Variants in CSTPP1 observed in about 807,000 individuals in gnomAD.
CSTPP1 encodes the protein centriolar satellite-associated tubulin polyglutamylase complex regulator 1.
chr11:47,072,847 T>A, the CSTPP1 span, among the ~76,000 whole-genome samples: 7 of 152,352 alleles, frequency 4.6e-5, no homozygotes, highest in African/African-American at 1.7e-4. Flanking sequence ...ACTTTTAAAG[T>A]AAAATTAAAT....
chr11:47,026,505 A>C, the CSTPP1 span, among the ~76,000 whole-genome samples: 1 of 152,236 alleles, frequency 6.6e-6, no homozygotes, highest in Non-Finnish European at 1.5e-5. Context: ...ATAATAAGCC[A>C]AAACCCTAAT....
the CSTPP1 span, among the ~76,000 whole-genome samples, chr11:46,972,276 A>C: frequency 6.6e-6 from 1 of 152,196 alleles, no homozygotes; most frequent in African/African-American, 2.4e-5. Context: ...GGAGAGTAGA[A>C]TATCCTCCTC....
chr11:46,937,190 C>G, the CSTPP1 span, among the ~76,000 whole-genome samples: 205 of 152,290 alleles, frequency 1.3e-3, 2 homozygotes, highest in Middle Eastern at 0.01. Flanking sequence ...AGTGCCAAAT[C>G]AGTCAGCGAA....
At chr11:47,023,492 G>A in the CSTPP1 span, 1 of 152,182 alleles carries the variant, frequency 6.6e-6, no homozygotes, top group Non-Finnish European at 1.5e-5. Flanking sequence ...GTACAGTTCT[G>A]TGGCATTAAA....
the CSTPP1 span, among the ~76,000 whole-genome samples, chr11:47,058,283 G>A: frequency 7.2e-5 from 11 of 152,086 alleles, no homozygotes; most frequent in East Asian, 7.7e-4. Flanking sequence ...AGCTGTGATC[G>A]CACCACTGCA....
the CSTPP1 span, among the ~76,000 whole-genome samples, chr11:46,971,493 T>C: frequency 9.8e-5 from 15 of 152,338 alleles, no homozygotes; most frequent in East Asian, 2.1e-3. Context: ...TCTGGGAATA[T>C]ACCCTAAGGA....
chr11:47,071,762 CTG>C, the CSTPP1 span, among the ~76,000 whole-genome samples: 3 of 152,214 alleles, frequency 2.0e-5, no homozygotes, highest in Non-Finnish European at 4.4e-5. Context: ...ACTTTAAAAA[CTG>C]TATTAAAAAG....
the CSTPP1 span, among the ~76,000 whole-genome samples, chr11:46,968,395 AAAT>A: frequency 4.8e-5 from 7 of 146,994 alleles, no homozygotes; most frequent in Non-Finnish European, 1.0e-4. Context: ...TAATATATTT[AAAT>A]AATATATTTA....
chr11:47,131,963 T>A, the CSTPP1 span, among the ~76,000 whole-genome samples: 1,852 of 150,590 alleles, frequency 0.012, 40 homozygotes, highest in African/African-American at 0.043. Context: ...GGTGACAGAG[T>A]GAGACTCTGT....
the CSTPP1 span, among the ~76,000 whole-genome samples, chr11:47,076,602 A>T: frequency 6.9e-3 from 1,044 of 152,274 alleles, 12 homozygotes; most frequent in African/African-American, 0.024. Context: ...GCACTTTGGG[A>T]GGCCGAGGAG....
At chr11:47,145,392 C>T in the CSTPP1 span, among the ~76,000 whole-genome samples, 1 of 151,996 alleles carries the variant, frequency 6.6e-6, no homozygotes, top group Admixed American at 6.5e-5. Flanking sequence ...GAGTTCGAGA[C>T]CAGCCTGGCC....
chr11:47,118,808 C>T, the CSTPP1 span, among the ~76,000 whole-genome samples: 1 of 152,184 alleles, frequency 6.6e-6, no homozygotes, highest in Non-Finnish European at 1.5e-5. Context: ...AATATTGCTG[C>T]CTGATCCTTC....
the CSTPP1 span, among the ~76,000 whole-genome samples, chr11:47,133,108 G>A: frequency 2.6e-5 from 4 of 152,208 alleles, no homozygotes; most frequent in Non-Finnish European, 5.9e-5. Flanking sequence ...CAGTGGCAAA[G>A]CTAGGATTTG....
chr11:47,060,019 G>C, the CSTPP1 span, among the ~76,000 whole-genome samples: 1 of 151,560 alleles, frequency 6.6e-6, no homozygotes, highest in African/African-American at 2.4e-5. Flanking sequence ...CAGGAGAATT[G>C]CTTGAGTCTG....
the CSTPP1 span, among the ~76,000 whole-genome samples, chr11:46,954,648 T>C: frequency 6.6e-6 from 1 of 152,114 alleles, no homozygotes; most frequent in East Asian, 1.9e-4. Flanking sequence ...GTTCAAAGAA[T>C]TGCTGGATTT....
the CSTPP1 span, among the ~76,000 whole-genome samples, chr11:47,044,587 A>G: frequency 5.3e-5 from 8 of 152,182 alleles, no homozygotes; most frequent in Admixed American, 5.2e-4. Context: ...ATCTAATAGG[A>G]AACAGAAGAA....
chr11:47,162,134 A>G, the CSTPP1 span: 8 of 985,914 alleles, frequency 8.1e-6, no homozygotes, highest in Non-Finnish European at 7.2e-6. Context: ...GGTAATATGA[A>G]GGGTGGGCCA....
the CSTPP1 span, among the ~76,000 whole-genome samples, chr11:46,974,708 A>C: frequency 6.6e-6 from 1 of 151,562 alleles, no homozygotes; most frequent in Non-Finnish European, 1.5e-5. Context: ...AACAAAAATT[A>C]GCTGGGTGTG....
chr11:47,147,366 C>G, the CSTPP1 span, among the ~76,000 whole-genome samples: 29 of 152,088 alleles, frequency 1.9e-4, no homozygotes, highest in African/African-American at 7.0e-4. Flanking sequence ...CCAAGAGAAG[C>G]CAGTAGGTCT....
Sources: allele counts gnomAD v4.1 joint callset (sites outside exome capture counted in the v4.1 genomes callset), GRCh38; gene constraint gnomAD v4.1.1; transcripts MANE v1.5; gene names NCBI Gene and HGNC (gene_info 2026-07-23, HGNC 2026-07-21).